Variants in KMT2C observed in about 807,000 individuals in gnomAD.
KMT2C encodes lysine methyltransferase 2C.
A neutral mutation model predicts 507.9 loss-of-function variants in KMT2C; 88 were observed. That is an observed-to-expected ratio of 0.17 (90% confidence interval 0.15 to 0.21). KMT2C has a LOEUF of 0.21. Among genes scored for constraint, KMT2C ranks in the 10% least tolerant of loss-of-function variants. KMT2C has a pLI of 1.00. For synonymous variants in KMT2C, 2,049 were observed against 2,080.8 expected, an observed-to-expected ratio of 0.98 and a Z score of 0.42; for missense variants, 4,954 against 5,957.8, an observed-to-expected ratio of 0.83 and a Z score of 5.55.
intron 6 of KMT2C, among the ~76,000 whole-genome samples, chr7:152,287,082 C>T (rs73164506): frequency 6.6e-6 from 1 of 152,316 alleles, no homozygotes; most frequent in Non-Finnish European, 1.5e-5. Flanking sequence ...AACTGGGACA[C>T]AGGACATTCA....
At chr7:152,235,687 G>C in intron 16 of KMT2C, 130 bp downstream of exon 16, 2 of 661,672 alleles carry the variant, frequency 3.0e-6, no homozygotes, top group South Asian at 2.1e-5. Flanking sequence ...AAAAAAAAAA[G>C]CAAAGTAGGA....
At chr7:152,386,434 A>T (rs1306813721) in intron 1 of KMT2C, among the ~76,000 whole-genome samples, 1 of 152,306 alleles carries the variant, frequency 6.6e-6, no homozygotes, top group African/African-American at 2.4e-5. Flanking sequence ...TGTGCTTAGC[A>T]CTGGTGGCAA....
At chr7:152,431,586 G>A (rs1281356376) in intron 1 of KMT2C, among the ~76,000 whole-genome samples, 8 of 149,432 alleles carry the variant, frequency 5.4e-5, no homozygotes, top group African/African-American at 2.0e-4. Context: ...AGCCTGGGCG[G>A]CAGAGCAAGA....
chr7:152,181,544 T>G lies in KMT2C; in HGVS notation c.6316A>C (p.Asn2106His), dbSNP rs1322460743. The change falls in exon 36 of 59, where the codon AAT becomes CAT. Residue 2106 changes from asparagine (N) to histidine (H), a missense_variant. Around this residue, in one of 29 missense-constraint regions of KMT2C, gnomAD observed 1,689 missense variants for 1,654.3 expected, o/e 1.02. Transcript: ENST00000262189. Reference sequence around the variant, plus strand: ...CTTGAAGGATGGGCAAAAGATTCATTCACTGCTGGATGTGGGGTAAGGGGA... The same window carrying G: ...CTTGAAGGATGGGCAAAAGATTCATGCACTGCTGGATGTGGGGTAAGGGGA... ...QPPLTPHPAV[N>H]ESFAHPSRAF... 1.2e-6 allele frequency: 2 copies of G among 1,613,922 alleles called. No individual in the cohort carries two copies. Among genetic ancestry groups the G allele is most frequent in the African/African-American group, 2.7e-5 (2 of 74,896 alleles).
chr7:152,184,819 C>T lies in KMT2C; in HGVS notation c.5082+739G>A, dbSNP rs1467336324. On this transcript the variant is annotated intron_variant, in intron 34 of 58. Coordinates refer to ENST00000262189, the MANE Select transcript of KMT2C (RefSeq NM_170606.3). ...TAGCAGGGTGGTCTTGCTCTGTCACCTAGGCTGGAATGCAGTCGTACAATT... is the reference window on the plus strand; with the variant it reads ...TAGCAGGGTGGTCTTGCTCTGTCACTTAGGCTGGAATGCAGTCGTACAATT... Among the ~76,000 whole-genome samples, 3 of 152,200 alleles carry T rather than the reference C, an allele frequency of 2.0e-5. No homozygotes were observed. The East Asian group carries it at 5.8e-4, about 29-fold the overall frequency.
chr7:152,225,003 T>A (rs183546820), intron 18 of KMT2C, among the ~76,000 whole-genome samples: 1 of 152,294 alleles, frequency 6.6e-6, no homozygotes, highest in East Asian at 1.9e-4. Context: ...ATGCTTAGAA[T>A]CAATAGAAAA....
At chr7:152,397,488 G>A (rs544660617) in intron 1 of KMT2C, among the ~76,000 whole-genome samples, 1 of 152,274 alleles carries the variant, frequency 6.6e-6, no homozygotes, top group South Asian at 2.1e-4. Flanking sequence ...ACGGTGTGAA[G>A]GGCACTGCTT....
intron 28 of KMT2C, 108 bp downstream of exon 28, chr7:152,195,799 A>G (rs2093944280): frequency 1.6e-6 from 1 of 615,146 alleles, no homozygotes; most frequent in East Asian, 3.3e-5. Context: ...GCCAAAAACA[A>G]AAACACAGTT....
intron 7 of KMT2C, among the ~76,000 whole-genome samples, chr7:152,270,606 C>A (rs187086135): frequency 6.6e-6 from 1 of 152,260 alleles, no homozygotes; most frequent in African/African-American, 2.4e-5. Flanking sequence ...AAATCCATTC[C>A]TCAAGGTCTG....
chr7:152,202,996 T>TC lies in KMT2C; in HGVS notation c.4029_4030insG (p.Ile1344AspfsTer11). The TC allele has an allele frequency of 6.2e-7, 1 of 1,611,050 alleles. No homozygotes were observed. The highest frequency in any genetic ancestry group is 1.7e-5 in the Admixed American group (1 of 59,848). On this transcript the variant is annotated frameshift_variant, in exon 26 of 59. Coordinates refer to ENST00000262189, the MANE Select transcript of KMT2C (RefSeq NM_170606.3). LOFTEE classifies it high-confidence loss of function. ...TTCCTTTTTCGGTATCTCTTCTTTA[T>TC]TTTTTCAGTGCTTTCAGTAACAGAA...
At chr7:152,171,830 C>T (rs920748320) in intron 39 of KMT2C, among the ~76,000 whole-genome samples, 7 of 152,208 alleles carry the variant, frequency 4.6e-5, no homozygotes, top group Non-Finnish European at 1.0e-4. Context: ...AAAGACATTT[C>T]CCAATTTAAG....
At chr7:152,281,399 T>C (rs2096205583) in intron 6 of KMT2C, among the ~76,000 whole-genome samples, 2 of 152,118 alleles carry the variant, frequency 1.3e-5, no homozygotes, top group Non-Finnish European at 2.9e-5. Flanking sequence ...GCATTATTAT[T>C]TGCCAGCAGC....
At chr7:152,408,012 G>C (rs546562494) in intron 1 of KMT2C, among the ~76,000 whole-genome samples, 2 of 151,942 alleles carry the variant, frequency 1.3e-5, no homozygotes, top group Admixed American at 6.6e-5. Flanking sequence ...CAAGGTGGCC[G>C]GGTGGGGTGG....
At chr7:152,404,631 C>CAAAAAAAAAAAAAAAAAAAAAAAAAAAAA (rs68171347) in intron 1 of KMT2C, among the ~76,000 whole-genome samples, 2 of 66,176 alleles carry the variant, frequency 3.0e-5, no homozygotes, top group Non-Finnish European at 3.3e-5. Flanking sequence ...ACTCAGGTCT[C>CAAAAAAAAAAAAAAAAAAAAAAAAAAAAA]AAAAAAAAAA....
intron 43 of KMT2C, 62 bp from the exon 44 acceptor site, chr7:152,159,134 T>G (rs559296083): frequency 2.0e-4 from 279 of 1,403,812 alleles, no homozygotes; most frequent in Non-Finnish European, 2.1e-4. Flanking sequence ...TTTTAGTTCA[T>G]GCAGTGCCAA....
intron 6 of KMT2C, among the ~76,000 whole-genome samples, chr7:152,290,260 A>G (rs76862755): frequency 0.24 from 4,351 of 18,436 alleles, 464 homozygotes; most frequent in African/African-American, 0.47. Flanking sequence ...GTGTATGTGT[A>G]TATATATATA....
Position 152,275,308 on chromosome 7 carries a change from G to A in KMT2C, c.850-1441C>T, listed in dbSNP as rs549573278. On this transcript the variant is annotated intron_variant, in intron 6 of 58. Transcript: ENST00000262189. ...ACCTGTAATCCCGGCACTTTGGAAG[G>A]CCAAGGCGGGTGGATCACGAGGTCA... Among the ~76,000 whole-genome samples, 32 of 152,294 alleles carry A rather than the reference G, an allele frequency of 2.1e-4. No homozygotes were observed. In the South Asian group the frequency reaches 6.0e-3, roughly 29 times the overall value.
At chr7:152,280,378 TAAAAATAAAAATAAAAAA>T (rs2096183630) in intron 6 of KMT2C, among the ~76,000 whole-genome samples, 1 of 148,678 alleles carries the variant, frequency 6.7e-6, no homozygotes, top group South Asian at 2.1e-4. Context: ...CCGTCTCTAC[TAAAAATAAAAATAAAAAA>T]AAAAAATTAG....
At chr7:152,374,324 G>GTAA (rs10598169) in intron 1 of KMT2C, among the ~76,000 whole-genome samples, 23 of 150,042 alleles carry the variant, frequency 1.5e-4, no homozygotes, top group South Asian at 6.4e-4. Context: ...TCAAAAAATA[G>GTAA]TAATAATAAT....
Sources: allele counts gnomAD v4.1 joint callset (sites outside exome capture counted in the v4.1 genomes callset), GRCh38; gene constraint gnomAD v4.1.1; regional missense constraint gnomAD v4.1.1; transcripts MANE v1.5; gene names NCBI Gene and HGNC (gene_info 2026-07-23, HGNC 2026-07-21).